The following ZNF407 variants were observed in gnomAD, a reference collection of about 807,000 sequenced individuals.
ZNF407 encodes the protein zinc finger protein 407.
In ZNF407, 17 loss-of-function variants were observed where a neutral mutation model predicts 131.2. The observed-to-expected ratio is 0.13, with a 90% CI of 0.09 to 0.19. ZNF407 has a LOEUF of 0.19. Among genes scored for constraint, ZNF407 ranks in the 10% least tolerant of loss-of-function variants. The pLI is 1.00. For synonymous variants in ZNF407, 1,156 were observed against 1,062.0 expected (o/e 1.09, Z -1.72); for missense variants, 2,681 against 2,830.6 (o/e 0.95, Z 1.20).
At chr18:74,645,048 T>G (rs1268148960) in intron 3 of ZNF407, among the ~76,000 whole-genome samples, 1 of 152,054 alleles carries the variant, frequency 6.6e-6, no homozygotes, top group Non-Finnish European at 1.5e-5. Context: ...CCCAATACTT[T>G]CCCTATTTTA....
chr18:74,732,552 A>G (rs1328648657), intron 3 of ZNF407, among the ~76,000 whole-genome samples: 2 of 152,236 alleles, frequency 1.3e-5, no homozygotes, highest in Non-Finnish European at 2.9e-5. Context: ...CTAGTTGTCC[A>G]ACTAGAAAGC....
chr18:74,630,719 G>A (rs2144659069), intron 1 of ZNF407, among the ~76,000 whole-genome samples: 1 of 152,174 alleles, frequency 6.6e-6, no homozygotes, highest in Non-Finnish European at 1.5e-5. Flanking sequence ...CTGCAAGCTT[G>A]TTGAGAAATC....
intron 8 of ZNF407, among the ~76,000 whole-genome samples, chr18:74,999,224 G>A (rs1488141676): frequency 1.0e-5 from 1 of 96,480 alleles, no homozygotes; most frequent in Non-Finnish European, 2.1e-5. Context: ...GGGAGGGATA[G>A]CATTGGGAGA....
chr18:74,619,529 C>A (rs1983434646), intron 1 of ZNF407, among the ~76,000 whole-genome samples: 1 of 152,100 alleles, frequency 6.6e-6, no homozygotes, highest in Non-Finnish European at 1.5e-5. Context: ...TAACTTTTAT[C>A]TTGGAATGCC....
chr18:74,929,004 C>T (rs1220005553), intron 8 of ZNF407, among the ~76,000 whole-genome samples: 1 of 152,104 alleles, frequency 6.6e-6, no homozygotes, highest in African/African-American at 2.4e-5. Context: ...GAATGGCATT[C>T]ATAAATTTAA....
chr18:75,010,316 T>C (rs994751048), intron 8 of ZNF407, among the ~76,000 whole-genome samples: 2 of 152,164 alleles, frequency 1.3e-5, no homozygotes, highest in Non-Finnish European at 2.9e-5. Context: ...GAGTGTGGGA[T>C]GTTTTGGAGG....
intron 6 of ZNF407, among the ~76,000 whole-genome samples, chr18:74,882,250 G>T (rs948507364): frequency 5.3e-5 from 8 of 152,272 alleles, no homozygotes; most frequent in African/African-American, 1.9e-4. Flanking sequence ...ATTTATGTGT[G>T]CCTGGGACAG....
intron 3 of ZNF407, among the ~76,000 whole-genome samples, chr18:74,677,479 TC>T (rs1986440443): frequency 6.6e-6 from 1 of 152,212 alleles, no homozygotes; most frequent in Admixed American, 6.5e-5. Context: ...ATTTATATGT[TC>T]CTTGGGTGAT....
intron 8 of ZNF407, among the ~76,000 whole-genome samples, chr18:75,040,488 A>C (rs142975194): frequency 1.3e-5 from 2 of 152,294 alleles, no homozygotes; most frequent in East Asian, 3.9e-4. Context: ...TTATATTCTT[A>C]ATATCTTGTC....
chr18:74,774,717 C>A, intron 3 of ZNF407, among the ~76,000 whole-genome samples: 1 of 152,252 alleles, frequency 6.6e-6, no homozygotes, highest in Middle Eastern at 3.4e-3. Flanking sequence ...ATGAAGGAGA[C>A]GTGACGAAAC....
At chr18:74,984,729 T>C (rs1972632982) in intron 8 of ZNF407, among the ~76,000 whole-genome samples, 2 of 152,218 alleles carry the variant, frequency 1.3e-5, no homozygotes, top group South Asian at 2.1e-4. Flanking sequence ...CCACCATTAA[T>C]TATAAAATGG....
intron 7 of ZNF407, among the ~76,000 whole-genome samples, chr18:74,909,764 C>A (rs1015716783): frequency 1.3e-5 from 2 of 151,958 alleles, no homozygotes; most frequent in African/African-American, 4.8e-5. Flanking sequence ...ATTTTCTGTT[C>A]ATTTTTGTTG....
intron 4 of ZNF407, among the ~76,000 whole-genome samples, chr18:74,840,284 C>T (rs1970614568): frequency 6.6e-6 from 1 of 151,966 alleles, no homozygotes; most frequent in Non-Finnish European, 1.5e-5. Context: ...CCAGGTTTGC[C>T]TCATTTTCTT....
At chr18:74,655,443 C>T (rs1985408912) in intron 3 of ZNF407, among the ~76,000 whole-genome samples, 1 of 151,856 alleles carries the variant, frequency 6.6e-6, no homozygotes, top group Non-Finnish European at 1.5e-5. Flanking sequence ...TTAAAATCTG[C>T]CTTGCAACTG....
chr18:74,917,467 C>T (rs1449304465), intron 7 of ZNF407, among the ~76,000 whole-genome samples: 2 of 152,066 alleles, frequency 1.3e-5, no homozygotes, highest in Admixed American at 6.5e-5. Flanking sequence ...TTCCACACCA[C>T]GTCTTTCTTG....
chr18:74,848,563 T>C (rs1347335528), intron 4 of ZNF407, among the ~76,000 whole-genome samples: 1 of 152,142 alleles, frequency 6.6e-6, no homozygotes, highest in Non-Finnish European at 1.5e-5. Context: ...GAAAATAAAA[T>C]ATAACAAAGA....
intron 3 of ZNF407, among the ~76,000 whole-genome samples, chr18:74,702,804 G>A (rs1214326452): frequency 6.6e-6 from 1 of 152,034 alleles, no homozygotes; most frequent in East Asian, 1.9e-4. Context: ...CATGTACATG[G>A]GTATATTACA....
chr18:74,787,129 C>T (rs28472711), intron 4 of ZNF407, among the ~76,000 whole-genome samples: 2,282 of 151,984 alleles, frequency 0.015, 63 homozygotes, highest in African/African-American at 0.049. Flanking sequence ...TTTAATAGTG[C>T]GATAGTCCTG....
At chr18:74,674,706 T>C (rs897431179) in intron 3 of ZNF407, among the ~76,000 whole-genome samples, 1 of 152,202 alleles carries the variant, frequency 6.6e-6, no homozygotes. Context: ...TTAGTAAACT[T>C]TTCTGACAAA....
Sources: gnomAD v4.1 joint callset for allele counts (sites outside exome capture counted in the v4.1 genomes callset) on GRCh38, gnomAD v4.1.1 for gene constraint, MANE v1.5 for transcripts, NCBI Gene and HGNC (gene_info 2026-07-23, HGNC 2026-07-21) for gene names.